Variants in DLG2 observed in about 807,000 individuals in gnomAD.
DLG2 encodes disks large homolog 2.
A neutral mutation model predicts 132.5 loss-of-function variants in DLG2; 45 were observed. The observed-to-expected ratio is 0.34, with a 90% CI of 0.27 to 0.44. The LOEUF is 0.44. Ranked by LOEUF, DLG2 falls within the 20% of genes least tolerant of loss-of-function variation. The pLI is 1.00. For missense variants in DLG2, 1,045 were observed against 1,196.9 expected (o/e 0.87, Z 1.87); for synonymous variants, 424 against 419.6 (o/e 1.01, Z -0.13).
At chr11:85,049,586 G>A (rs1192142452) in intron 6 of DLG2, among the ~76,000 whole-genome samples, 1 of 152,006 alleles carries the variant, frequency 6.6e-6, no homozygotes, top group Non-Finnish European at 1.5e-5. Flanking sequence ...ATAAACATGT[G>A]ATAATAGCTG....
chr11:85,368,349 C>A (rs1294445291), intron 3 of DLG2, among the ~76,000 whole-genome samples: 9 of 152,214 alleles, frequency 5.9e-5, no homozygotes, highest in Non-Finnish European at 8.8e-5. Context: ...CATCACTTCT[C>A]AATAAATTGA....
At chr11:85,135,730 A>G (rs2076097749) in intron 5 of DLG2, among the ~76,000 whole-genome samples, 1 of 152,230 alleles carries the variant, frequency 6.6e-6, no homozygotes, top group African/African-American at 2.4e-5. Context: ...CTCCTTAAAG[A>G]TAGTTTTAAC....
At chr11:84,125,551 G>A (rs1595751410) in intron 9 of DLG2, among the ~76,000 whole-genome samples, 2 of 152,292 alleles carry the variant, frequency 1.3e-5, no homozygotes, top group African/African-American at 2.4e-5. Flanking sequence ...ATGGGGGCAA[G>A]TCAGCTGTAG....
At chr11:85,371,166 G>T (rs2084945024) in intron 3 of DLG2, among the ~76,000 whole-genome samples, 2 of 152,232 alleles carry the variant, frequency 1.3e-5, no homozygotes, top group South Asian at 4.1e-4. Context: ...TGTGACATTG[G>T]AATACAGGAA....
chr11:84,292,315 A>G (rs1020573611), intron 7 of DLG2, among the ~76,000 whole-genome samples: 2 of 152,014 alleles, frequency 1.3e-5, no homozygotes, highest in African/African-American at 4.8e-5. Context: ...AATTCTCTGG[A>G]CCTCTTTCCC....
chr11:85,364,110 G>A (rs1160141083), intron 3 of DLG2, among the ~76,000 whole-genome samples: 2 of 152,078 alleles, frequency 1.3e-5, no homozygotes, highest in Admixed American at 6.6e-5. Flanking sequence ...GCAGTAATAA[G>A]CACCTTGGCT....
At chr11:84,969,004 C>T (rs79241665) in intron 6 of DLG2, among the ~76,000 whole-genome samples, 2,082 of 151,200 alleles carry the variant, frequency 0.014, 47 homozygotes, top group African/African-American at 0.047. Context: ...ACAATAATTG[C>T]TTCAGTTGAA....
intron 18 of DLG2, among the ~76,000 whole-genome samples, chr11:83,726,780 C>T (rs967976422): frequency 6.6e-6 from 1 of 151,964 alleles, no homozygotes; most frequent in African/African-American, 2.4e-5. Context: ...AACAAACAAA[C>T]AAACAAACAG....
chr11:85,458,404 T>TC (rs2092488978), intron 3 of DLG2, among the ~76,000 whole-genome samples: 1 of 152,214 alleles, frequency 6.6e-6, no homozygotes, highest in Admixed American at 6.5e-5. Flanking sequence ...TGATCTTCAT[T>TC]CCTATCCATA....
At chr11:84,219,231 C>T (rs2096881224) in intron 8 of DLG2, among the ~76,000 whole-genome samples, 1 of 152,034 alleles carries the variant, frequency 6.6e-6, no homozygotes, top group Non-Finnish European at 1.5e-5. Flanking sequence ...ACTTTTTGTC[C>T]CTAGTTGACT....
intron 18 of DLG2, among the ~76,000 whole-genome samples, chr11:83,733,182 A>G (rs1022198660): frequency 7.4e-6 from 1 of 135,160 alleles, no homozygotes; most frequent in Non-Finnish European, 1.5e-5. Flanking sequence ...CAGAGGTTGC[A>G]GGGAGCTGAG....
At chr11:84,502,042 C>T (rs775195946) in intron 7 of DLG2, among the ~76,000 whole-genome samples, 1 of 151,898 alleles carries the variant, frequency 6.6e-6, no homozygotes, top group South Asian at 2.1e-4. Context: ...TTTTCTTTGC[C>T]TTTCTTTTCT....
intron 7 of DLG2, among the ~76,000 whole-genome samples, chr11:84,455,214 C>G (rs2099062204): frequency 2.0e-5 from 3 of 151,372 alleles, no homozygotes; most frequent in Admixed American, 6.6e-5. Flanking sequence ...AATTTCACAC[C>G]TGTCCATTTC....
chr11:83,745,882 G>C (rs975388979), intron 18 of DLG2, among the ~76,000 whole-genome samples: 12 of 151,086 alleles, frequency 7.9e-5, no homozygotes, highest in African/African-American at 2.4e-4. Flanking sequence ...AACAAATTTA[G>C]AAGAAAAAAA....
intron 6 of DLG2, among the ~76,000 whole-genome samples, chr11:84,892,566 T>C (rs1353801040): frequency 1.3e-5 from 2 of 152,118 alleles, no homozygotes; most frequent in African/African-American, 2.4e-5. Context: ...TAATAAAAGT[T>C]ATGCCTGTTT....
chr11:84,200,119 C>T (rs2096572617), intron 8 of DLG2, among the ~76,000 whole-genome samples: 1 of 151,778 alleles, frequency 6.6e-6, no homozygotes. Context: ...AAATAATGCA[C>T]AAGACAAACC....
intron 3 of DLG2, among the ~76,000 whole-genome samples, chr11:85,393,136 A>G (rs2086952208): frequency 1.3e-5 from 2 of 152,170 alleles, no homozygotes; most frequent in Admixed American, 6.5e-5. Context: ...GAACAAAACA[A>G]ACAATCCTAT....
chr11:83,929,076 A>G (rs1313128229), intron 15 of DLG2, among the ~76,000 whole-genome samples: 1 of 134,884 alleles, frequency 7.4e-6, no homozygotes, highest in Non-Finnish European at 1.5e-5. Context: ...AATTATTGCA[A>G]ATTAATAAAA....
intron 7 of DLG2, among the ~76,000 whole-genome samples, chr11:84,481,658 TC>T (rs2099138053): frequency 6.6e-6 from 1 of 152,148 alleles, no homozygotes; most frequent in Non-Finnish European, 1.5e-5. Flanking sequence ...TAAACCTCAG[TC>T]CACCCTTCCA....
Sources: gnomAD v4.1 joint callset for allele counts (sites outside exome capture counted in the v4.1 genomes callset) on GRCh38, gnomAD v4.1.1 for gene constraint, MANE v1.5 for transcripts, NCBI Gene and HGNC (gene_info 2026-07-23, HGNC 2026-07-21) for gene names.